The following TAB2 variants were observed in gnomAD, a reference collection of about 807,000 sequenced individuals.
TAB2 encodes TGF-beta activated kinase 1 (MAP3K7) binding protein 2.
A neutral mutation model predicts 65.0 loss-of-function variants in TAB2; 3 were observed. The observed-to-expected ratio is 0.05, with a 90% CI of 0.02 to 0.12. The LOEUF (loss-of-function observed/expected upper bound fraction) is 0.12, where lower values mean the gene tolerates loss of function less well. Ranked by LOEUF, TAB2 falls within the 10% of genes least tolerant of loss-of-function variation. The pLI, the probability that TAB2 is intolerant of heterozygous loss-of-function variation, is 1.00. For synonymous variants in TAB2, 298 were observed against 285.1 expected (o/e 1.05, Z -0.46); for missense variants, 623 against 840.3 (o/e 0.74, Z 3.20).
chr6:149,266,455 T>A (rs1056955672), intron 1 of TAB2, among the ~76,000 whole-genome samples: 6 of 152,224 alleles, frequency 3.9e-5, no homozygotes, highest in African/African-American at 1.4e-4. Context: ...TGCTGGGATT[T>A]CGTGCTCACT....
At chr6:149,313,070 G>A (rs1779192578), upstream of TAB2, among the ~76,000 whole-genome samples, 1 of 151,970 alleles carries the variant, frequency 6.6e-6, no homozygotes, top group Non-Finnish European at 1.5e-5. Context: ...CTAAACAGAC[G>A]TTTTTTAACC....
At chr6:149,277,330 G>T (rs954170627) in intron 1 of TAB2, among the ~76,000 whole-genome samples, 2 of 151,952 alleles carry the variant, frequency 1.3e-5, no homozygotes, top group Non-Finnish European at 2.9e-5. Flanking sequence ...TTCCTACAAT[G>T]AAATACCATG....
intron 1 of TAB2, among the ~76,000 whole-genome samples, chr6:149,274,331 A>AC (rs1212438512): frequency 6.6e-6 from 1 of 152,264 alleles, no homozygotes; most frequent in Admixed American, 6.5e-5. Flanking sequence ...AGACTCTACA[A>AC]CCACATAGAA....
At chr6:149,400,209 A>G in intron 6 of TAB2, 3 of 620,010 alleles carry the variant, frequency 4.8e-6, no homozygotes, top group Non-Finnish European at 8.3e-6. Flanking sequence ...AGCCAATGGG[A>G]GGCCCCAACA....
rs777276934 is a variant in TAB2 at position 149,379,361 on chromosome 6, C to G, written c.1446C>G (p.Ser482=). The G allele has an allele frequency of 1.9e-6, 3 of 1,614,002 alleles. No homozygotes were observed. In the African/African-American group the frequency reaches 4.0e-5, roughly 22 times the overall value. Residue 482 remains serine (S), a synonymous_variant, in exon 3 of 7, where the codon TCC becomes TCG. Transcript: ENST00000637181. The part of the protein sequence containing the change: ...KPPAVSPGVV[S]PTFELTNLLN... ...CTGCAGTTTCACCAGGGGTGGTGTC[C>G]CCTACCTTTGAACTTACAAATCTTC...
intron 1 of TAB2, among the ~76,000 whole-genome samples, chr6:149,368,325 G>A (rs1781105393): frequency 6.6e-6 from 1 of 152,128 alleles, no homozygotes; most frequent in Admixed American, 6.6e-5. Context: ...TAAACTAAAA[G>A]TGTATAGTGG....
At chr6:149,261,678 C>A (rs181060059) in intron 1 of TAB2, among the ~76,000 whole-genome samples, 1 of 152,318 alleles carries the variant, frequency 6.6e-6, no homozygotes, top group Non-Finnish European at 1.5e-5. Context: ...AAGGCTACAA[C>A]ACCCCATGGA....
At position 149,378,219 on chromosome 6, in the gene TAB2, A is replaced by G. The variant is rs745587555; in HGVS notation, c.304A>G (p.Thr102Ala). 8 of 1,614,104 alleles carry G rather than the reference A, an allele frequency of 5.0e-6. No individual in the cohort carries two copies. In the South Asian group the frequency reaches 7.7e-5, roughly 16 times the overall value. Residue 102 changes from threonine to alanine, a missense_variant, in exon 3 of 7, where the codon ACT becomes GCT. Thr to Ala is a moderately conservative substitution (Grantham distance 58). This residue lies in a region of TAB2 where 550 missense variants were observed against 665.7 expected (regional missense o/e 0.83). Transcript: ENST00000637181. ...REGSRMNGSR[T>A]LTHSISDGQL... ...AGGAAGTAGGATGAATGGAAGTAGGACTCTAACGCACAGCATTAGTGATGG... is the reference window on the plus strand; with the variant it reads ...AGGAAGTAGGATGAATGGAAGTAGGGCTCTAACGCACAGCATTAGTGATGG...
At chr6:149,381,217 TTG>T (rs1420406581) in intron 3 of TAB2, among the ~76,000 whole-genome samples, 1 of 152,258 alleles carries the variant, frequency 6.6e-6, no homozygotes, top group Admixed American at 6.5e-5. Flanking sequence ...GCCCTAGAAA[TTG>T]TGTTAAAACT....
chr6:149,377,997 C>A, intron 2 of TAB2, 21 bp from the exon 3 acceptor site: 1 of 1,602,662 alleles, frequency 6.2e-7, no homozygotes, highest in South Asian at 1.1e-5. Flanking sequence ...TAACATCAAT[C>A]AATTTATTTT....
chr6:149,385,007 A>G (rs1781743844), intron 3 of TAB2, among the ~76,000 whole-genome samples: 1 of 152,174 alleles, frequency 6.6e-6, no homozygotes, highest in African/African-American at 2.4e-5. Context: ...ATACTTTAAT[A>G]TGGTTTTTCC....
At chr6:149,278,354 A>G (rs1045267746) in intron 1 of TAB2, among the ~76,000 whole-genome samples, 12 of 152,248 alleles carry the variant, frequency 7.9e-5, no homozygotes, top group African/African-American at 2.7e-4. Flanking sequence ...CTGTAAATAT[A>G]AAACAAATAT....
intron 1 of TAB2, among the ~76,000 whole-genome samples, chr6:149,354,186 C>A (rs545438086): frequency 6.6e-6 from 1 of 152,318 alleles, no homozygotes; most frequent in African/African-American, 2.4e-5. Context: ...CACCTGCTTA[C>A]CTTAATTAGT....
intron 1 of TAB2, among the ~76,000 whole-genome samples, chr6:149,297,691 AT>A (rs1227214605): frequency 1.3e-5 from 2 of 151,678 alleles, no homozygotes; most frequent in Admixed American, 6.6e-5. Context: ...CACTTGGATA[AT>A]TTTTTTTGTT....
At chr6:149,275,286 A>AAGAAAGAAAGATAGATAGAT (rs1554255841) in intron 1 of TAB2, among the ~76,000 whole-genome samples, 2 of 146,624 alleles carry the variant, frequency 1.4e-5, no homozygotes, top group African/African-American at 5.0e-5. Flanking sequence ...GAAAGAAAGA[A>AAGAAAGAAAGATAGATAGAT]AGAAAGAAAG....
intron 3 of TAB2, among the ~76,000 whole-genome samples, chr6:149,386,527 C>G (rs934916388): frequency 6.6e-6 from 1 of 152,120 alleles, no homozygotes; most frequent in Admixed American, 6.5e-5. Flanking sequence ...ATTCTGGACA[C>G]GTGATATAAA....
rs189005962 is a variant in TAB2 at position 149,298,381 on chromosome 6, C to T, written c.-121+79605C>T. Among the ~76,000 whole-genome samples, 751 of 152,324 alleles carry T rather than the reference C, an allele frequency of 4.9e-3. 8 individuals carry two copies. Among genetic ancestry groups the T allele is most frequent in the Admixed American group, 0.027 (416 of 15,306 alleles). ...ATGGCTCAGCCACGTGTAATTCCAGCACTTGGGGAAGCCAAGGTGGGCAAT... is the reference window on the plus strand; with the variant it reads ...ATGGCTCAGCCACGTGTAATTCCAGTACTTGGGGAAGCCAAGGTGGGCAAT... On this transcript the variant is annotated intron_variant, in intron 1 of 1. Coordinates refer to the TAB2 transcript ENST00000606202.
chr6:149,403,337 TATACACAC>T lies in TAB2; in HGVS notation c.1939+4155_1939+4162del, dbSNP rs1239761880. 6.3e-3 allele frequency among the ~76,000 whole-genome samples: 324 copies of T among 51,490 alleles called. 5 individuals are homozygous for T. Among genetic ancestry groups the T allele is most frequent in the East Asian group, 0.034 (122 of 3,596 alleles). The allele number at this position is 51,490 out of a possible 152,430, so 33.8% of individuals were successfully genotyped here. ...ATACACACACATATATATACATATATATACACACACACACACACACACACACACACACA... is the reference window on the plus strand; with the variant it reads ...ATACACACACATATATATACATATATACACACACACACACACACACACACA... On this transcript the variant is annotated intron_variant, in intron 6 of 6. Coordinates refer to ENST00000637181, the MANE Select transcript of TAB2 (RefSeq NM_001292034.3).
At chr6:149,227,713 A>T (rs1016953629) in intron 1 of TAB2, among the ~76,000 whole-genome samples, 1 of 152,234 alleles carries the variant, frequency 6.6e-6, no homozygotes, top group Non-Finnish European at 1.5e-5. Flanking sequence ...CCTGAAAATC[A>T]AGAAGAGCTG....
Sources: gnomAD v4.1 joint callset for allele counts (sites outside exome capture counted in the v4.1 genomes callset) on GRCh38, gnomAD v4.1.1 for gene constraint, gnomAD v4.1.1 regional missense constraint, MANE v1.5 for transcripts, NCBI Gene and HGNC (gene_info 2026-07-23, HGNC 2026-07-21) for gene names.